Variants in UNC5D observed in about 807,000 individuals in gnomAD.
UNC5D encodes the protein unc-5 netrin receptor D, also known as netrin receptor UNC5D.
UNC5D carries 39 observed loss-of-function variants against 105.4 expected under a neutral mutation model. The ratio of observed to expected loss-of-function variants is 0.37; its 90% confidence interval spans 0.29 to 0.48. UNC5D has a LOEUF of 0.48. UNC5D is among the 20% of genes least tolerant of loss of function. The pLI, the probability that UNC5D is intolerant of heterozygous loss-of-function variation, is 0.98. For missense variants in UNC5D, 991 were observed against 1,202.4 expected (o/e 0.82, Z 2.60); for synonymous variants, 452 against 450.4 (o/e 1.00, Z -0.04).
intron 2 of UNC5D, among the ~76,000 whole-genome samples, chr8:35,561,944 A>G (rs1816997021): frequency 6.6e-6 from 1 of 152,152 alleles, no homozygotes; most frequent in Admixed American, 6.6e-5. Flanking sequence ...TTAACTAGTC[A>G]CTGTACTGAA....
chr8:35,731,316 G>A (rs910019457), intron 11 of UNC5D, among the ~76,000 whole-genome samples: 4 of 143,128 alleles, frequency 2.8e-5, no homozygotes, highest in African/African-American at 1.1e-4. Flanking sequence ...CTGGAGAATC[G>A]CTTGAACCTG....
chr8:35,592,906 A>G (rs995065271), intron 3 of UNC5D, among the ~76,000 whole-genome samples: 21 of 152,038 alleles, frequency 1.4e-4, no homozygotes, highest in Non-Finnish European at 2.6e-4. Context: ...GTCATTTCAA[A>G]TGTCATTTGG....
chr8:35,410,186 A>G (rs1329761407), intron 1 of UNC5D, among the ~76,000 whole-genome samples: 1 of 152,084 alleles, frequency 6.6e-6, no homozygotes, highest in Non-Finnish European at 1.5e-5. Flanking sequence ...CGTAGTAAGC[A>G]TTCAATAAAT....
At chr8:35,243,095 G>C (rs1406726968) in intron 1 of UNC5D, among the ~76,000 whole-genome samples, 1 of 152,080 alleles carries the variant, frequency 6.6e-6, no homozygotes, top group Non-Finnish European at 1.5e-5. Flanking sequence ...ACCTGGGGAG[G>C]GGCCTGAGGT....
chr8:35,255,587 T>C (rs1179620639), intron 1 of UNC5D: 4 of 152,180 alleles, frequency 2.6e-5, no homozygotes, highest in African/African-American at 9.6e-5. Flanking sequence ...TATGCTACCA[T>C]ATACTAGATT....
intron 1 of UNC5D, among the ~76,000 whole-genome samples, chr8:35,271,630 T>C (rs1189166772): frequency 6.9e-6 from 1 of 144,734 alleles, no homozygotes; most frequent in Non-Finnish European, 1.5e-5. Context: ...ACATGTAACA[T>C]ATATTATGTA....
chr8:35,595,991 A>G (rs915844593), intron 4 of UNC5D, among the ~76,000 whole-genome samples: 1 of 152,150 alleles, frequency 6.6e-6, no homozygotes, highest in African/African-American at 2.4e-5. Flanking sequence ...TGGCTTATGG[A>G]ACAAATCTGA....
At chr8:35,558,438 T>G (rs1178034305) in intron 2 of UNC5D, among the ~76,000 whole-genome samples, 1 of 152,144 alleles carries the variant, frequency 6.6e-6, no homozygotes, top group African/African-American at 2.4e-5. Context: ...GCAAATACTA[T>G]ATAACTAATA....
chr8:35,625,095 G>T (rs1020334647), intron 4 of UNC5D, among the ~76,000 whole-genome samples: 1 of 152,024 alleles, frequency 6.6e-6, no homozygotes, highest in Non-Finnish European at 1.5e-5. Flanking sequence ...TCACCATTTC[G>T]TTTTCAGCCC....
At chr8:35,379,377 G>C (rs1373277595) in intron 1 of UNC5D, among the ~76,000 whole-genome samples, 2 of 152,136 alleles carry the variant, frequency 1.3e-5, no homozygotes, top group Admixed American at 6.5e-5. Context: ...CACAGCAGCT[G>C]CTCCTGAGCC....
At chr8:35,360,519 G>T (rs1801801226) in intron 1 of UNC5D, among the ~76,000 whole-genome samples, 1 of 152,146 alleles carries the variant, frequency 6.6e-6, no homozygotes, top group East Asian at 1.9e-4. Context: ...TCTCTGGAAT[G>T]CTGAGTGTGT....
intron 1 of UNC5D, among the ~76,000 whole-genome samples, chr8:35,414,185 A>G (rs1805387864): frequency 6.6e-6 from 1 of 152,158 alleles, no homozygotes; most frequent in African/African-American, 2.4e-5. Flanking sequence ...AATAACATCT[A>G]AAATAGACCC....
chr8:35,500,227 A>G (rs930670749), intron 1 of UNC5D, among the ~76,000 whole-genome samples: 3 of 152,196 alleles, frequency 2.0e-5, no homozygotes, highest in Admixed American at 2.0e-4. Context: ...CCAAGAGCAT[A>G]GTGCTAGCAT....
intron 11 of UNC5D, among the ~76,000 whole-genome samples, chr8:35,734,403 G>T (rs1829354820): frequency 6.6e-6 from 1 of 151,090 alleles, no homozygotes; most frequent in South Asian, 2.1e-4. Flanking sequence ...AAGACTTGGG[G>T]TATTTCTTTC....
At chr8:35,504,506 A>G (rs545720765) in intron 1 of UNC5D, among the ~76,000 whole-genome samples, 37 of 152,230 alleles carry the variant, frequency 2.4e-4, no homozygotes, top group African/African-American at 8.7e-4. Flanking sequence ...CTGAGGTGTA[A>G]TGTGAGGAAT....
Position 35,772,576 on chromosome 8 carries a change from G to A in UNC5D, c.2479-1723G>A, listed in dbSNP as rs529617437. Among the ~76,000 whole-genome samples, 5 of 152,218 alleles carry A rather than the reference G, an allele frequency of 3.3e-5. 1 individual carries two copies. In the East Asian group the frequency reaches 7.8e-4, roughly 24 times the overall value. Reference sequence around the variant, plus strand: ...ATGTGTGTACTTGGAGGGCATAACAGGCAAGTTTCTAAGACAAAGGACAGC... The same window carrying A: ...ATGTGTGTACTTGGAGGGCATAACAAGCAAGTTTCTAAGACAAAGGACAGC... On this transcript the variant is annotated intron_variant, in intron 15 of 16. Transcript: ENST00000404895.
At chr8:35,651,384 A>G (rs1179476351) in intron 4 of UNC5D, among the ~76,000 whole-genome samples, 2 of 152,316 alleles carry the variant, frequency 1.3e-5, no homozygotes, top group Non-Finnish European at 2.9e-5. Context: ...TAAATGAATA[A>G]AAAGAGAGGT....
chr8:35,555,496 T>C (rs1468076125), intron 2 of UNC5D, among the ~76,000 whole-genome samples: 1 of 152,160 alleles, frequency 6.6e-6, no homozygotes, highest in Non-Finnish European at 1.5e-5. Context: ...ACCAGTCTCT[T>C]TAGTTCACAC....
At chr8:35,392,958 T>C (rs1446309478) in intron 1 of UNC5D, among the ~76,000 whole-genome samples, 1 of 152,148 alleles carries the variant, frequency 6.6e-6, no homozygotes, top group African/African-American at 2.4e-5. Flanking sequence ...CAATAGGATC[T>C]ATTTGATAAC....
Sources: allele counts gnomAD v4.1 joint callset (sites outside exome capture counted in the v4.1 genomes callset), GRCh38; gene constraint gnomAD v4.1.1; transcripts MANE v1.5; gene names NCBI Gene and HGNC (gene_info 2026-07-23, HGNC 2026-07-21).